ROBO2: variants seen among roughly 807,000 people sequenced by gnomAD.
The protein encoded by ROBO2 is roundabout homolog 2.
Under a neutral mutation model 160.8 loss-of-function variants are expected in ROBO2, and 53 were observed. That is an observed-to-expected ratio of 0.33 (90% CI 0.26 to 0.41). ROBO2 has a LOEUF of 0.41. Ranked by LOEUF, ROBO2 falls within the 10% of genes least tolerant of loss-of-function variation. The pLI, the probability that ROBO2 is intolerant of heterozygous loss-of-function variation, is 1.00. For synonymous variants in ROBO2, 664 were observed against 611.7 expected, an observed-to-expected ratio of 1.09 and a Z score of -1.26; for missense variants, 1,577 against 1,722.4, an observed-to-expected ratio of 0.92 and a Z score of 1.49.
rs919409412 is a variant in ROBO2, at chr3:77,066,052, G to T, written c.61+25206G>T. ...TTTTAAAAAAATGTGTATAAAAATG[G>T]CTCAGACCATGTCTGTTCACTTGTG... On this transcript the variant is annotated intron_variant, in intron 1 of 25. Transcript: ENST00000461745. 2.0e-5 allele frequency among the ~76,000 whole-genome samples: 3 copies of T among 151,982 alleles called. No homozygotes were observed. The South Asian group carries it at 6.2e-4, about 31-fold the overall frequency.
chr3:76,284,114 T>A (rs1055036818), intron 2 of ROBO2, among the ~76,000 whole-genome samples: 3 of 152,192 alleles, frequency 2.0e-5, no homozygotes, highest in African/African-American at 7.2e-5. Flanking sequence ...TGTTTTCACC[T>A]TTAAAAAATA....
chr3:76,835,045 A>T (rs1559577371), intron 2 of ROBO2, among the ~76,000 whole-genome samples: 1 of 152,142 alleles, frequency 6.6e-6, no homozygotes, highest in Non-Finnish European at 1.5e-5. Context: ...TTTATAAAAC[A>T]ATTGTGACTA....
In ROBO2 at chr3:76,366,792, CATT is replaced by C. The variant is rs200955340; in HGVS notation, c.109+429192_109+429194del. ...AAAATATCTCTTCAAATGTAGTTAT[CATT>C]AATTAGTTTTTATTAAGCAGAGAAA... On this transcript the variant is annotated intron_variant, in intron 2 of 26. Transcript: ENST00000487694. 3.3e-3 allele frequency among the ~76,000 whole-genome samples: 508 copies of C among 151,946 alleles called. 6 individuals carry two copies. Among genetic ancestry groups the C allele is most frequent in the Admixed American group, 0.024 (368 of 15,212 alleles).
At chr3:76,345,675 T>C (rs1262239625) in intron 2 of ROBO2, among the ~76,000 whole-genome samples, 1 of 151,952 alleles carries the variant, frequency 6.6e-6, no homozygotes, top group African/African-American at 2.4e-5. Context: ...TACTGAAAAA[T>C]TGTCCTGATA....
At chr3:77,441,448 AAC>A (rs1345108924) in intron 2 of ROBO2, among the ~76,000 whole-genome samples, 1 of 152,186 alleles carries the variant, frequency 6.6e-6, no homozygotes, top group Non-Finnish European at 1.5e-5. Context: ...GAAAAATGAT[AAC>A]AGTGTCATGT....
rs55824934 is a variant in ROBO2, at chr3:77,465,618, G to A, written c.389-11796G>A. ...TTTTATTAAAACTCTACTGAAGAAGGCTTCTTTCCAGTTTCAGCTAAGATG... is the reference window on the plus strand; with the variant it reads ...TTTTATTAAAACTCTACTGAAGAAGACTTCTTTCCAGTTTCAGCTAAGATG... On this transcript the variant is annotated intron_variant, in intron 2 of 25. Transcript: ENST00000461745. Among the ~76,000 whole-genome samples, 16 of 152,184 alleles carry A rather than the reference G, an allele frequency of 1.1e-4. No individual in the cohort carries two copies. The South Asian group carries it at 3.3e-3, about 32-fold the overall frequency.
chr3:76,880,327 T>C (rs1271019004), intron 2 of ROBO2, among the ~76,000 whole-genome samples: 5 of 152,234 alleles, frequency 3.3e-5, no homozygotes, highest in African/African-American at 1.2e-4. Flanking sequence ...GGATAAAATT[T>C]TGAAATAAGA....
At chr3:76,256,434 C>A (rs1706392835) in intron 2 of ROBO2, among the ~76,000 whole-genome samples, 2 of 151,486 alleles carry the variant, frequency 1.3e-5, no homozygotes, top group South Asian at 4.2e-4. Context: ...AGGCCAGGTG[C>A]AATGGCTCAC....
At chr3:76,901,369 A>C (rs2075215892) in intron 2 of ROBO2, among the ~76,000 whole-genome samples, 1 of 152,036 alleles carries the variant, frequency 6.6e-6, no homozygotes, top group Non-Finnish European at 1.5e-5. Context: ...CTCAACATAT[A>C]TCTATTAAAG....
intron 2 of ROBO2, among the ~76,000 whole-genome samples, chr3:76,628,337 A>T (rs572524599): frequency 4.0e-5 from 6 of 150,602 alleles, no homozygotes; most frequent in Non-Finnish European, 8.9e-5. Context: ...GCAACCCCAA[A>T]CTCCGCAACC....
chr3:77,288,441 G>A (rs957924475), intron 2 of ROBO2, among the ~76,000 whole-genome samples: 8 of 152,170 alleles, frequency 5.3e-5, no homozygotes, highest in Non-Finnish European at 1.0e-4. Context: ...AGCTGGAAAG[G>A]AGACTCAAAT....
intron 2 of ROBO2, among the ~76,000 whole-genome samples, chr3:76,636,074 A>G (rs1326696874): frequency 1.3e-5 from 2 of 152,238 alleles, no homozygotes; most frequent in African/African-American, 4.8e-5. Flanking sequence ...TCATAAAATA[A>G]TAGTCACATG....
intron 2 of ROBO2, among the ~76,000 whole-genome samples, chr3:77,169,300 A>T (rs529899880): frequency 1.3e-5 from 2 of 152,224 alleles, no homozygotes; most frequent in Non-Finnish European, 2.9e-5. Context: ...TTAGCCAATT[A>T]TCTTAGATAC....
At chr3:77,355,375 G>A (rs983539783) in intron 2 of ROBO2, among the ~76,000 whole-genome samples, 1 of 152,172 alleles carries the variant, frequency 6.6e-6, no homozygotes, top group Non-Finnish European at 1.5e-5. Context: ...ATTCATTCAT[G>A]CTAGTGTGTG....
chr3:76,958,615 T>C (rs955305506), intron 2 of ROBO2, among the ~76,000 whole-genome samples: 1 of 152,210 alleles, frequency 6.6e-6, no homozygotes, highest in Non-Finnish European at 1.5e-5. Context: ...TTGCATTTTG[T>C]CACAACCTTA....
chr3:76,166,802 C>T (rs2072856753), intron 2 of ROBO2, among the ~76,000 whole-genome samples: 2 of 152,284 alleles, frequency 1.3e-5, no homozygotes, highest in East Asian at 1.9e-4. Flanking sequence ...TCCTCAACCT[C>T]GACTGCCTTA....
intron 2 of ROBO2, among the ~76,000 whole-genome samples, chr3:76,056,686 T>C (rs940666080): frequency 1.3e-4 from 20 of 152,248 alleles, no homozygotes; most frequent in Admixed American, 8.5e-4. Context: ...CTGAGGAACA[T>C]TTATGATGGG....
intron 2 of ROBO2, among the ~76,000 whole-genome samples, chr3:76,377,507 G>A (rs1354968265): frequency 6.6e-6 from 1 of 152,140 alleles, no homozygotes; most frequent in Non-Finnish European, 1.5e-5. Flanking sequence ...GAAAACTGAA[G>A]TGATGTGCAG....
intron 2 of ROBO2, among the ~76,000 whole-genome samples, chr3:76,535,435 G>C (rs972893238): frequency 6.6e-6 from 1 of 152,076 alleles, no homozygotes; most frequent in Non-Finnish European, 1.5e-5. Context: ...GTTTTAATGG[G>C]ATGGTAAGGG....
Sources: allele counts gnomAD v4.1 joint callset (sites outside exome capture counted in the v4.1 genomes callset), GRCh38; gene constraint gnomAD v4.1.1; transcripts MANE v1.5; gene names NCBI Gene and HGNC (gene_info 2026-07-23, HGNC 2026-07-21).